The following ABLIM3 variants were observed in gnomAD, a reference collection of about 807,000 sequenced individuals.
The protein encoded by ABLIM3 is actin-binding LIM protein 3.
In ABLIM3, 61 loss-of-function variants were observed where a neutral mutation model predicts 109.5. That is an observed-to-expected ratio of 0.56 (90% CI 0.45 to 0.69). The LOEUF is 0.69. Among genes scored for constraint, ABLIM3 ranks in the 30% least tolerant of loss-of-function variants. The pLI is 0.00. For synonymous variants in ABLIM3, 300 were observed against 324.8 expected (o/e 0.92, Z 0.82); for missense variants, 796 against 889.5 (o/e 0.89, Z 1.34).
intron 5 of ABLIM3, among the ~76,000 whole-genome samples, chr5:149,206,628 G>T (rs899930046): frequency 6.6e-6 from 1 of 152,096 alleles, no homozygotes; most frequent in Non-Finnish European, 1.5e-5. Flanking sequence ...GTCTGGGTGG[G>T]GTCTGCAATG....
chr5:149,237,410 C>G, intron 10 of ABLIM3, 38 bp from the exon 11 acceptor site: 1 of 1,599,336 alleles, frequency 6.3e-7, no homozygotes, highest in Non-Finnish European at 8.5e-7. Flanking sequence ...TCCCTCTTAT[C>G]TTTCTATTCC....
chr5:149,238,926 C>T (rs1240645736), intron 11 of ABLIM3, among the ~76,000 whole-genome samples: 1 of 152,222 alleles, frequency 6.6e-6, no homozygotes, highest in Middle Eastern at 3.2e-3. Context: ...GTGACAATAG[C>T]CCTGAGCATG....
rs146584774 is a variant in ABLIM3, at chr5:149,240,373, A to G, written c.1205-303A>G. On this transcript the variant is annotated intron_variant, in intron 13 of 23. Coordinates refer to ENST00000309868, the MANE Select transcript of ABLIM3 (RefSeq NM_014945.5). Reference sequence around the variant, plus strand: ...GCGTCCAAAAGGGGGAGGTTCAAGGATGGTTGGGGAGATAAGAGGTTCAAA... The same window carrying G: ...GCGTCCAAAAGGGGGAGGTTCAAGGGTGGTTGGGGAGATAAGAGGTTCAAA... The G allele has an allele frequency of 2.2e-4, 99 of 457,930 alleles. No homozygotes were observed. In the East Asian group the frequency reaches 3.7e-3, roughly 17 times the overall value. 28.4% of individuals were successfully genotyped at this position (457,930 alleles called of 1,614,324 possible). A position where few individuals can be genotyped will look rare whatever the true frequency, so the allele number is the denominator to read the frequency against.
intron 1 of ABLIM3, 28 bp from the exon 2 acceptor site, chr5:149,141,981 G>A (rs1038625847): frequency 1.4e-6 from 2 of 1,430,382 alleles, no homozygotes; most frequent in Non-Finnish European, 2.0e-6. Flanking sequence ...ATACAGAGCT[G>A]GCACTGGACT....
intron 8 of ABLIM3, among the ~76,000 whole-genome samples, chr5:149,225,567 A>C (rs2127537951): frequency 6.6e-6 from 1 of 152,288 alleles, no homozygotes; most frequent in East Asian, 1.9e-4. Context: ...TTTTTAAAAA[A>C]ATTTTTATTT....
At position 149,259,654 on chromosome 5, in the gene ABLIM3, C is replaced by A; in HGVS notation, c.*1250C>A. Reference sequence around the variant, plus strand: ...CAGTGGCTTCCCTTCCTGCTCGCCTCCCTGAACAGGGGAGAAAGCTTAACC... The same window carrying A: ...CAGTGGCTTCCCTTCCTGCTCGCCTACCTGAACAGGGGAGAAAGCTTAACC... On this transcript the variant is annotated 3_prime_UTR_variant, in exon 24 of 24. Coordinates refer to ENST00000309868, the MANE Select transcript of ABLIM3 (RefSeq NM_014945.5). 13 of 1,446,308 alleles carry A rather than the reference C, an allele frequency of 9.0e-6. No homozygotes were observed. Among genetic ancestry groups the A allele is most frequent in the Non-Finnish European group, 1.2e-5 (13 of 1,065,090 alleles). The allele number at this position is 1,446,308 out of a possible 1,614,324, so 89.6% of individuals were successfully genotyped here.
At chr5:149,194,605 A>T (rs1757780791) in intron 3 of ABLIM3, among the ~76,000 whole-genome samples, 1 of 152,258 alleles carries the variant, frequency 6.6e-6, no homozygotes, top group African/African-American at 2.4e-5. Flanking sequence ...AGTGAAAATG[A>T]GTGAACTGCA....
At chr5:149,158,480 G>A (rs1426477482) in intron 2 of ABLIM3, among the ~76,000 whole-genome samples, 1 of 152,080 alleles carries the variant, frequency 6.6e-6, no homozygotes, top group Non-Finnish European at 1.5e-5. Context: ...GTGGTTGCAT[G>A]GTTGTATATA....
Position 149,259,995 on chromosome 5 carries a change from G to C in ABLIM3, c.*1591G>C, listed in dbSNP as rs185677814. The C allele has an allele frequency of 5.0e-6, 1 of 201,592 alleles. No homozygotes were observed. The highest frequency in any genetic ancestry group is 1.0e-5 in the Non-Finnish European group (1 of 98,302). The allele number at this position is 201,592 out of a possible 1,614,324, so 12.5% of individuals were successfully genotyped here. On this transcript the variant is annotated 3_prime_UTR_variant, in exon 24 of 24. Coordinates refer to ENST00000309868, the MANE Select transcript of ABLIM3 (RefSeq NM_014945.5). Reference sequence around the variant, plus strand: ...TCTCAGGGATATGCCTACCAATAGCGGGTATCGTAAGGCATGTACCCAAAC... The same window carrying C: ...TCTCAGGGATATGCCTACCAATAGCCGGTATCGTAAGGCATGTACCCAAAC...
At chr5:149,194,688 G>T (rs1757788748) in intron 3 of ABLIM3, among the ~76,000 whole-genome samples, 1 of 152,166 alleles carries the variant, frequency 6.6e-6, no homozygotes, top group South Asian at 2.1e-4. Context: ...GACAATTGCA[G>T]TATGACTCCA....
At chr5:149,229,562 C>G (rs777228753) in intron 8 of ABLIM3, among the ~76,000 whole-genome samples, 5 of 152,214 alleles carry the variant, frequency 3.3e-5, no homozygotes, top group Non-Finnish European at 7.3e-5. Flanking sequence ...CATCCCTTAG[C>G]TAGTATTCCG....
chr5:149,236,679 C>T (rs1457070988), intron 10 of ABLIM3, among the ~76,000 whole-genome samples: 2 of 152,106 alleles, frequency 1.3e-5, no homozygotes, highest in African/African-American at 4.8e-5. Context: ...TTTCTGAATG[C>T]AGCCTTCTGA....
chr5:149,182,566 T>A (rs1756558997), intron 2 of ABLIM3, among the ~76,000 whole-genome samples: 1 of 152,176 alleles, frequency 6.6e-6, no homozygotes, highest in African/African-American at 2.4e-5. Flanking sequence ...GATGACTAGA[T>A]TTTAGAATAG....
At chr5:149,197,006 C>G (rs2127494193) in intron 3 of ABLIM3, among the ~76,000 whole-genome samples, 1 of 152,302 alleles carries the variant, frequency 6.6e-6, no homozygotes, top group South Asian at 2.1e-4. Flanking sequence ...TGTTGCATCT[C>G]TGTTCAAAAG....
chr5:149,169,085 A>AC lies in ABLIM3; in HGVS notation c.14-14360dup, dbSNP rs149804104. ...TTCCCACCACTGACTTTGCTGTAGG[A>AC]CCCCCCCACCCCCCGTCTCACCCTA... On this transcript the variant is annotated intron_variant, in intron 2 of 23. Coordinates refer to ENST00000309868, the MANE Select transcript of ABLIM3 (RefSeq NM_014945.5). 1.8e-3 allele frequency among the ~76,000 whole-genome samples: 244 copies of AC among 132,356 alleles called. 6 individuals are homozygous for AC. In the South Asian group the frequency reaches 0.041, roughly 22 times the overall value. 86.8% of individuals were successfully genotyped at this position (132,356 alleles called of 152,430 possible).
In ABLIM3 at chr5:149,237,539, T is replaced by C; in HGVS notation, c.980T>C (p.Ile327Thr). The change falls in exon 11 of 24, where the codon ATT (isoleucine) becomes ACT (threonine). Residue 327 changes from isoleucine to threonine, a missense_variant. Physicochemically the swap from Ile to Thr is moderately conservative, Grantham distance 89. Transcript: ENST00000309868. Reference sequence around the variant, plus strand: ...TACGAGGTACAACGCCCCGACCTCATTTCCTATGAGCCTCATTCCAGATAC... The same window carrying C: ...TACGAGGTACAACGCCCCGACCTCACTTCCTATGAGCCTCATTCCAGATAC... ...SIYEVQRPDL[I>T]SYEPHSRYMS... 1.9e-6 allele frequency: 3 copies of C among 1,614,224 alleles called. No individual in the cohort carries two copies. Among genetic ancestry groups the C allele is most frequent in the Non-Finnish European group, 2.5e-6 (3 of 1,180,042 alleles).
At chr5:149,172,967 G>A (rs1755583916) in intron 2 of ABLIM3, among the ~76,000 whole-genome samples, 1 of 152,262 alleles carries the variant, frequency 6.6e-6, no homozygotes, top group Non-Finnish European at 1.5e-5. Context: ...AGACAAGGAA[G>A]TGATTCTCTC....
intron 1 of ABLIM3, 55 bp from the exon 2 acceptor site, chr5:149,141,952 GGA>G: frequency 2.5e-6 from 3 of 1,181,762 alleles, no homozygotes; most frequent in Non-Finnish European, 3.8e-6. Context: ...GACAGCAGAG[GGA>G]GAGAGAGCAC....
intron 2 of ABLIM3, among the ~76,000 whole-genome samples, chr5:149,180,298 C>T (rs1296297430): frequency 6.6e-6 from 1 of 152,176 alleles, no homozygotes; most frequent in East Asian, 1.9e-4. Context: ...AGAAAATCAA[C>T]AAATTTTAAC....
Sources: allele counts gnomAD v4.1 joint callset (sites outside exome capture counted in the v4.1 genomes callset), GRCh38; gene constraint gnomAD v4.1.1; transcripts MANE v1.5; gene names NCBI Gene and HGNC (gene_info 2026-07-23, HGNC 2026-07-21).